SPATA1: variants seen among roughly 807,000 people sequenced by gnomAD.
SPATA1 encodes the protein spermatogenesis associated 1.
SPATA1 carries 57 observed loss-of-function variants against 59.6 expected under a neutral mutation model. That is an observed-to-expected ratio of 0.96 (90% CI 0.77 to 1.19). SPATA1 has a LOEUF of 1.19. SPATA1 is among the 50% of genes most tolerant of loss of function. The pLI is 0.00. For missense variants in SPATA1, 448 were observed against 480.7 expected (o/e 0.93, Z 0.64); for synonymous variants, 147 against 163.9 (o/e 0.90, Z 0.79).
At chr1:84,521,778 C>G (rs185494468) in intron 3 of SPATA1, among the ~76,000 whole-genome samples, 256 of 152,256 alleles carry the variant, frequency 1.7e-3, no homozygotes, top group Middle Eastern at 3.4e-3. Flanking sequence ...CTGCCATATT[C>G]ACATCCCTTG....
chr1:84,517,540 T>G (rs909724504), intron 2 of SPATA1, among the ~76,000 whole-genome samples: 3 of 152,090 alleles, frequency 2.0e-5, no homozygotes, highest in Admixed American at 1.3e-4. Flanking sequence ...TTTTTTCCCT[T>G]CCCTAAAACT....
chr1:84,540,477 A>C (rs1683862813), intron 8 of SPATA1, among the ~76,000 whole-genome samples: 1 of 152,100 alleles, frequency 6.6e-6, no homozygotes, highest in African/African-American at 2.4e-5. Context: ...TATTTGAGGC[A>C]ATCAAAAAAC....
chr1:84,550,337 T>C (rs952308793), intron 11 of SPATA1, 95 bp from the exon 12 acceptor site: 18 of 550,744 alleles, frequency 3.3e-5, no homozygotes, highest in Non-Finnish European at 5.0e-5. Context: ...ATTTACTCTT[T>C]TGATCTTTAT....
At chr1:84,526,644 A>G (rs1683237340) in intron 6 of SPATA1, among the ~76,000 whole-genome samples, 1 of 152,098 alleles carries the variant, frequency 6.6e-6, no homozygotes, top group South Asian at 2.1e-4. Context: ...AGGTGGGTGG[A>G]TCATTTGAGC....
At chr1:84,563,674 C>A in intron 4 of SPATA1, 1 of 1,004,772 alleles carries the variant, frequency 1.0e-6, no homozygotes, top group Non-Finnish European at 1.4e-6. Flanking sequence ...CTAATGAAAA[C>A]AGAGAGACTC....
At chr1:84,515,634 A>G (rs553064292) in intron 1 of SPATA1, among the ~76,000 whole-genome samples, 55 of 152,208 alleles carry the variant, frequency 3.6e-4, no homozygotes, top group African/African-American at 1.3e-3. Context: ...TATATACATT[A>G]TATATTTTTA....
chr1:84,520,559 A>G lies in SPATA1; in HGVS notation c.37-26A>G. 3 of 1,329,358 alleles carry G rather than the reference A, an allele frequency of 2.3e-6. No homozygotes were observed. The East Asian group carries it at 7.7e-5, about 34-fold the overall frequency. The allele number at this position is 1,329,358 out of a possible 1,614,324, so 82.3% of individuals were successfully genotyped here. A position where few individuals can be genotyped will look rare whatever the true frequency, so the allele number is the denominator to read the frequency against. ...TTTTTTTCACTTTAAAAATATTTTA[A>G]CCGATGTTCTTCTCAATTTATTCAG... On this transcript the variant is annotated intron_variant, in intron 2 of 12. Transcript: ENST00000490879.
At chr1:84,520,631 A>G in exon 3 of SPATA1, 2 of 1,581,652 alleles carry the variant, frequency 1.3e-6, no homozygotes. Context: ...TCATGGAACT[A>G]TAAGCTAAAT....
chr1:84,542,072 C>A (rs1247254432), intron 8 of SPATA1, among the ~76,000 whole-genome samples: 1 of 152,068 alleles, frequency 6.6e-6, no homozygotes, highest in Non-Finnish European at 1.5e-5. Context: ...CAGGTTCAAG[C>A]AATTCTCCTG....
In SPATA1 at chr1:84,545,756, C is replaced by CA. The variant is rs759440290; in HGVS notation, c.944dup (p.His315GlnfsTer36). The CA allele has an allele frequency of 5.3e-6, 8 of 1,509,696 alleles. No individual in the cohort carries two copies. The highest frequency in any genetic ancestry group is 7.0e-6 in the Non-Finnish European group (8 of 1,139,228). The allele number at this position is 1,509,696 out of a possible 1,614,324, so 93.5% of individuals were successfully genotyped here. On this transcript the variant is annotated frameshift_variant, in exon 10 of 13. Coordinates refer to ENST00000490879, the Ensembl canonical transcript of SPATA1. LOFTEE classifies it high-confidence loss of function. ...TGAACAAAGCAAATTAAAACGATAT[C>CA]ATGGTAAAGTTTATTACATACCTTT...
intron 1 of SPATA1, among the ~76,000 whole-genome samples, chr1:84,508,784 A>G (rs1268140789): frequency 6.6e-6 from 1 of 152,210 alleles, no homozygotes; most frequent in East Asian, 1.9e-4. Context: ...TGTTTTTATA[A>G]TGGCTAAGGA....
intron 4 of SPATA1, among the ~76,000 whole-genome samples, chr1:84,560,360 A>AAAATCTGAACAGACAGTCCT (rs1402471191): frequency 2.6e-5 from 4 of 152,172 alleles, no homozygotes; most frequent in Non-Finnish European, 5.9e-5. Context: ...GAGGCCAAGA[A>AAAATCTGAACAGACAGTCCT]AAATCTGAAC....
Position 84,548,779 on chromosome 1 carries a change from TTTATA to T in SPATA1, c.947-6_947-2del. 8.8e-6 allele frequency: 10 copies of T among 1,138,232 alleles called. No individual in the cohort carries two copies. Among genetic ancestry groups the T allele is most frequent in the Middle Eastern group, 2.8e-4 (1 of 3,598 alleles). The allele number at this position is 1,138,232 out of a possible 1,614,324, so 70.5% of individuals were successfully genotyped here. ...TTTTTTTTTTTTTTTTTTTTTTTTTTTTATAGCCTACAATGGTTGGAAGAAAAAAT... is the reference window on the plus strand; with the variant it reads ...TTTTTTTTTTTTTTTTTTTTTTTTTTGCCTACAATGGTTGGAAGAAAAAAT... On this transcript the variant is annotated splice_acceptor_variant and splice_polypyrimidine_tract_variant and intron_variant, in intron 10 of 12. Transcript: ENST00000490879. LOFTEE classifies it high-confidence loss of function.
intron 5 of SPATA1, 31 bp from the exon 6 acceptor site, chr1:84,525,814 A>G: frequency 6.2e-7 from 1 of 1,606,300 alleles, no homozygotes; most frequent in Non-Finnish European, 8.5e-7. Flanking sequence ...TTAATTGCAA[A>G]CTAACTTTTA....
downstream of SPATA1, among the ~76,000 whole-genome samples, chr1:84,566,464 G>A (rs534739000): frequency 7.5e-4 from 114 of 152,312 alleles, no homozygotes; most frequent in Non-Finnish European, 1.3e-3. Context: ...TGGGTTGGGA[G>A]TTTCAGCCTG....
chr1:84,545,715 C>A, exon 10 of SPATA1: 1 of 1,534,398 alleles, frequency 6.5e-7, no homozygotes, highest in Non-Finnish European at 8.7e-7. Flanking sequence ...CTAGTAAAAA[C>A]GGTTGAAAAG....
At chr1:84,517,097 G>A (rs1369864511) in intron 2 of SPATA1, among the ~76,000 whole-genome samples, 3 of 151,992 alleles carry the variant, frequency 2.0e-5, no homozygotes, top group African/African-American at 7.2e-5. Flanking sequence ...AAATCTGTTG[G>A]TTAATTCTTA....
chr1:84,512,411 CT>C (rs1161746621), intron 1 of SPATA1, among the ~76,000 whole-genome samples: 1 of 152,158 alleles, frequency 6.6e-6, no homozygotes, highest in Non-Finnish European at 1.5e-5. Flanking sequence ...ATGTGATTAC[CT>C]TGTGTGAGAT....
chr1:84,555,105 A>G (rs1234061175), downstream of SPATA1: 4 of 1,613,872 alleles, frequency 2.5e-6, no homozygotes, highest in African/African-American at 2.7e-5. Flanking sequence ...CCACATGCCA[A>G]TGCCCCGTAA....
Sources: gnomAD v4.1 joint callset for allele counts (sites outside exome capture counted in the v4.1 genomes callset) on GRCh38, gnomAD v4.1.1 for gene constraint, MANE v1.5 for transcripts, NCBI Gene and HGNC (gene_info 2026-07-23, HGNC 2026-07-21) for gene names.